SH3GLB2: variants seen among roughly 807,000 people sequenced by gnomAD.
SH3GLB2 encodes the protein endophilin-B2.
SH3GLB2 carries 24 observed loss-of-function variants against 48.0 expected under a neutral mutation model. The observed-to-expected ratio is 0.50, with a 90% CI of 0.36 to 0.70. The LOEUF (loss-of-function observed/expected upper bound fraction) is 0.70. Among genes scored for constraint, SH3GLB2 ranks in the 30% least tolerant of loss-of-function variants. SH3GLB2 has a pLI of 0.00. For missense variants in SH3GLB2, 425 were observed against 516.0 expected (o/e 0.82, Z 1.71); for synonymous variants, 227 against 207.6 (o/e 1.09, Z -0.80).
At chr9:129,022,028 T>C (rs529912602) in intron 2 of SH3GLB2, among the ~76,000 whole-genome samples, 10 of 151,162 alleles carry the variant, frequency 6.6e-5, no homozygotes, top group Non-Finnish European at 1.3e-4. Context: ...TTCTCCCACG[T>C]GTGTTTTAGC....
intron 1 of SH3GLB2, among the ~76,000 whole-genome samples, chr9:129,024,483 C>A (rs1172334539): frequency 6.6e-6 from 1 of 150,802 alleles, no homozygotes; most frequent in Non-Finnish European, 1.5e-5. Context: ...ATGGCATGAA[C>A]CTGGGAGGCG....
intron 2 of SH3GLB2, among the ~76,000 whole-genome samples, chr9:129,021,979 C>G (rs1564584904): frequency 6.7e-6 from 1 of 150,094 alleles, no homozygotes; most frequent in Admixed American, 6.7e-5. Context: ...AAAAAAAAAC[C>G]AACAGAGTGA....
intron 3 of SH3GLB2, among the ~76,000 whole-genome samples, chr9:129,019,888 T>A (rs2131281202): frequency 6.6e-6 from 1 of 150,960 alleles, no homozygotes; most frequent in South Asian, 2.1e-4. Flanking sequence ...AAAAGATACC[T>A]GTAATATGAT....
chr9:129,009,627 G>A (rs1469450482), intron 9 of SH3GLB2, 144 bp downstream of exon 9: 26 of 1,392,560 alleles, frequency 1.9e-5, no homozygotes, highest in Admixed American at 8.1e-5. Context: ...ATACACATGA[G>A]ATGCCCGCAC....
chr9:129,017,526 G>C (rs948697186), intron 3 of SH3GLB2, among the ~76,000 whole-genome samples: 1 of 152,046 alleles, frequency 6.6e-6, no homozygotes, highest in African/African-American at 2.4e-5. Context: ...CACTTTGGGA[G>C]GCTAAGGCAG....
At position 129,008,741 on chromosome 9, in the gene SH3GLB2, G is replaced by T; in HGVS notation, c.1131C>A (p.Gly377=). Residue 377 remains glycine, a synonymous_variant, in exon 11 of 11, where the codon GGC becomes GGA. Coordinates refer to ENST00000372564, the MANE Select transcript of SH3GLB2 (RefSeq NM_020145.4). ...LPGMDPDWLI[G]ERGNKKGKVP... ...CCTTGCCCTTCTTGTTGCCTCTCTCGCCAATGAGCCAGTCAGGGTCCATGC... is the reference window on the plus strand; with the variant it reads ...CCTTGCCCTTCTTGTTGCCTCTCTCTCCAATGAGCCAGTCAGGGTCCATGC... 11 of 1,614,098 alleles carry T rather than the reference G, an allele frequency of 6.8e-6. No individual in the cohort carries two copies. Among genetic ancestry groups the T allele is most frequent in the Non-Finnish European group, 9.3e-6 (11 of 1,179,990 alleles).
chr9:129,021,348 C>T, intron 2 of SH3GLB2, 129 bp from the exon 3 acceptor site: 1 of 1,169,320 alleles, frequency 8.6e-7, no homozygotes. Flanking sequence ...TACGCTCTTG[C>T]TCATGCCCAA....
intron 10 of SH3GLB2, 83 bp from the exon 11 acceptor site, chr9:129,008,874 C>A: frequency 7.2e-7 from 1 of 1,388,584 alleles, no homozygotes; most frequent in South Asian, 1.2e-5. Context: ...AGAGCTGCCA[C>A]CTCCCCATGG....
intron 3 of SH3GLB2, among the ~76,000 whole-genome samples, chr9:129,016,987 T>A (rs2131266960): frequency 7.1e-6 from 1 of 140,862 alleles, no homozygotes; most frequent in East Asian, 2.2e-4. Context: ...TCACTCTGTC[T>A]CCCAGGCTGG....
chr9:129,010,674 T>A lies in SH3GLB2; in HGVS notation c.644A>T (p.Asp215Val), dbSNP rs760962632. The change falls in exon 7 of 11, where the codon GAC becomes GTC. Residue 215 changes from aspartate (D) to valine (V), a missense_variant. Coordinates refer to ENST00000372564, the MANE Select transcript of SH3GLB2 (RefSeq NM_020145.4). ...GCCCCCCAGGCCCCAACTTACCTTG[T>A]CCACTTCATCATTCCAGAGCTGTGG... Reference protein sequence around the residue: ...SASALWNDEVDKAEQELRVAQ... With the variant: ...SASALWNDEVVKAEQELRVAQ... The A allele has an allele frequency of 1.9e-6, 3 of 1,613,744 alleles. No homozygotes were observed. The East Asian group carries it at 6.7e-5, about 36-fold the overall frequency.
At chr9:129,012,992 G>A (rs1171170936) in intron 5 of SH3GLB2, 16 of 1,550,962 alleles carry the variant, frequency 1.0e-5, no homozygotes, top group Non-Finnish European at 1.4e-5. Context: ...ACAGCGCGTG[G>A]GACAGGTATA....
rs900444684 is a variant in SH3GLB2 at position 129,010,107 on chromosome 9, C to G, written c.738+13G>C. The stretch of plus-strand genomic sequence containing the variant: ...GAGGGTTAGGTTTAGTGAGGGTGGG[C>G]AGTGGGACTCACGTGAGTGCTACTG... On this transcript the variant is annotated intron_variant, in intron 8 of 10. Coordinates refer to ENST00000372564, the MANE Select transcript of SH3GLB2 (RefSeq NM_020145.4). 6.2e-7 allele frequency: 1 copy of G among 1,610,366 alleles called. No homozygotes were observed. The highest frequency in any genetic ancestry group is 8.5e-7 in the Non-Finnish European group (1 of 1,176,666).
intron 3 of SH3GLB2, among the ~76,000 whole-genome samples, chr9:129,017,319 A>G (rs1843490369): frequency 6.6e-6 from 1 of 152,128 alleles, no homozygotes; most frequent in South Asian, 2.1e-4. Flanking sequence ...CTTGAACACT[A>G]TTAACCGATG....
chr9:129,022,477 G>T, intron 1 of SH3GLB2, 54 bp from the exon 2 acceptor site: 3 of 1,511,590 alleles, frequency 2.0e-6, no homozygotes, highest in East Asian at 2.3e-5. Context: ...AGAAGGAGGT[G>T]GGGGAGTGGT....
chr9:129,018,193 C>T lies in SH3GLB2; in HGVS notation c.334+2898G>A, dbSNP rs1293429469. Among the ~76,000 whole-genome samples, 3 of 152,204 alleles carry T rather than the reference C, an allele frequency of 2.0e-5. No homozygotes were observed. The East Asian group carries it at 5.8e-4, about 29-fold the overall frequency. ...AATAGAAGAAAACCCAGAAAATCCA[C>T]AAATATCTGAAAATGAAACAACACA... On this transcript the variant is annotated intron_variant, in intron 3 of 10. Coordinates refer to ENST00000372564, the MANE Select transcript of SH3GLB2 (RefSeq NM_020145.4).
At chr9:129,025,519 T>C (rs1249116082) in intron 1 of SH3GLB2, among the ~76,000 whole-genome samples, 2 of 151,128 alleles carry the variant, frequency 1.3e-5, no homozygotes, top group South Asian at 2.1e-4. Context: ...TGAGCCGAGA[T>C]TGTGCCACTG....
Position 129,008,391 on chromosome 9 carries a change from G to A in SH3GLB2, c.*293C>T, listed in dbSNP as rs895611996. On this transcript the variant is annotated 3_prime_UTR_variant, in exon 11 of 11. Transcript: ENST00000372564. ...GGCCCCACCCTGGCCTAGGTGCTGA[G>A]TGCAGCTGCTGCAGACAGCCCCTCC... 1 of 385,526 alleles carries A rather than the reference G, an allele frequency of 2.6e-6. No individual in the cohort carries two copies. The highest frequency in any genetic ancestry group is 2.1e-5 in the African/African-American group (1 of 48,136). 23.9% of individuals were successfully genotyped at this position (385,526 alleles called of 1,614,324 possible).
At chr9:129,018,461 C>A (rs1014349440) in intron 3 of SH3GLB2, among the ~76,000 whole-genome samples, 2 of 150,400 alleles carry the variant, frequency 1.3e-5, no homozygotes, top group African/African-American at 4.9e-5. Flanking sequence ...CCTGTAATCC[C>A]AGCGACTTGG....
At chr9:129,020,571 A>C (rs571696918) in intron 3 of SH3GLB2, among the ~76,000 whole-genome samples, 56 of 142,910 alleles carry the variant, frequency 3.9e-4, no homozygotes, top group African/African-American at 1.4e-3. Context: ...ACTGTGTCTC[A>C]AAAAAAAAAA....
Sources: gnomAD v4.1 joint callset for allele counts (sites outside exome capture counted in the v4.1 genomes callset) on GRCh38, gnomAD v4.1.1 for gene constraint, MANE v1.5 for transcripts, NCBI Gene and HGNC (gene_info 2026-07-23, HGNC 2026-07-21) for gene names.